CDH13: variants seen among roughly 807,000 people sequenced by gnomAD.
The protein encoded by CDH13 is cadherin 13.
CDH13 carries 24 observed loss-of-function variants against 63.8 expected under a neutral mutation model. The ratio of observed to expected loss-of-function variants is 0.38; its 90% CI spans 0.27 to 0.53. CDH13 has a LOEUF of 0.53. Among genes scored for constraint, CDH13 ranks in the 20% least tolerant of loss-of-function variants. CDH13 has a pLI of 0.85. For synonymous variants in CDH13, 503 were observed against 355.3 expected (o/e 1.42, Z -4.67); for missense variants, 1,049 against 903.1 (o/e 1.16, Z -2.07).
intron 1 of CDH13, among the ~76,000 whole-genome samples, chr16:82,842,671 G>C (rs910859228): frequency 6.6e-6 from 1 of 151,978 alleles, no homozygotes; most frequent in Non-Finnish European, 1.5e-5. Flanking sequence ...AGGATTTGGG[G>C]ATGATTCAAG....
chr16:83,533,903 G>C (rs1246397392), intron 7 of CDH13, among the ~76,000 whole-genome samples: 1 of 152,156 alleles, frequency 6.6e-6, no homozygotes, highest in Non-Finnish European at 1.5e-5. Context: ...TTACAGGCAT[G>C]AGCCACAGTG....
intron 2 of CDH13, among the ~76,000 whole-genome samples, chr16:82,945,792 A>G (rs1416719658): frequency 1.3e-5 from 2 of 152,156 alleles, no homozygotes; most frequent in African/African-American, 2.4e-5. Flanking sequence ...ATCCTAAAAA[A>G]TATTTCCTGT....
chr16:83,028,416 C>T (rs189777753), intron 2 of CDH13, among the ~76,000 whole-genome samples: 5 of 152,266 alleles, frequency 3.3e-5, no homozygotes, highest in Admixed American at 6.5e-5. Flanking sequence ...CACGGAAAGC[C>T]TTAGAACCTT....
At chr16:82,918,392 G>A (rs1274099619) in intron 2 of CDH13, among the ~76,000 whole-genome samples, 2 of 152,128 alleles carry the variant, frequency 1.3e-5, no homozygotes, top group Non-Finnish European at 2.9e-5. Flanking sequence ...GATGAGAGGT[G>A]AGTAGACAGC....
chr16:83,398,841 T>A lies in CDH13; in HGVS notation c.781+53835T>A, dbSNP rs540212908. On this transcript the variant is annotated intron_variant, in intron 6 of 13. Coordinates refer to ENST00000567109, the MANE Select transcript of CDH13 (RefSeq NM_001257.5). ...CATGGGATTGATTTATTGTGCCCAT[T>A]AAGCCAGATGCATAGCTCTTCTACT... is the stretch of plus-strand genomic sequence containing the variant. 7.9e-5 allele frequency among the ~76,000 whole-genome samples: 12 copies of A among 152,374 alleles called. No homozygotes were observed. The South Asian group carries it at 2.3e-3, about 29-fold the overall frequency.
intron 7 of CDH13, among the ~76,000 whole-genome samples, chr16:83,538,032 C>T (rs1191674935): frequency 1.3e-5 from 2 of 152,092 alleles, no homozygotes; most frequent in African/African-American, 2.4e-5. Context: ...CTATAAATTG[C>T]TTTGCTTGTC....
intron 6 of CDH13, among the ~76,000 whole-genome samples, chr16:83,419,073 G>A (rs902365368): frequency 2.0e-5 from 3 of 152,080 alleles, no homozygotes; most frequent in African/African-American, 7.2e-5. Context: ...GAAGTAAGGG[G>A]GAATAGGGGC....
At chr16:83,410,116 A>G (rs1373887754) in intron 6 of CDH13, among the ~76,000 whole-genome samples, 1 of 152,172 alleles carries the variant, frequency 6.6e-6, no homozygotes, top group East Asian at 1.9e-4. Flanking sequence ...ACAGGTAATA[A>G]GATTATGAGC....
At chr16:83,630,935 T>C (rs1288324901) in intron 8 of CDH13, among the ~76,000 whole-genome samples, 1 of 152,174 alleles carries the variant, frequency 6.6e-6, no homozygotes, top group African/African-American at 2.4e-5. Context: ...CAAGATTTAT[T>C]TTCCTTTCAC....
rs78675235 is a variant in CDH13 at position 83,410,787 on chromosome 16, C to T, written c.781+65781C>T. ...TGAGTCGTTGGCAATCAGCTGCCAA[C>T]ATTTTGATTGTTTTCTTGTGGGATT... On this transcript the variant is annotated intron_variant, in intron 6 of 13. Coordinates refer to ENST00000567109, the MANE Select transcript of CDH13 (RefSeq NM_001257.5). Among the ~76,000 whole-genome samples the T allele has an allele frequency of 3.4e-3, 521 of 152,262 alleles. 4 individuals carry two copies. The highest frequency in any genetic ancestry group is 0.012 in the African/African-American group (503 of 41,558).
At chr16:82,960,621 G>T (rs996111737) in intron 2 of CDH13, among the ~76,000 whole-genome samples, 1 of 152,108 alleles carries the variant, frequency 6.6e-6, no homozygotes, top group Non-Finnish European at 1.5e-5. Flanking sequence ...AAACAAAATA[G>T]CACCTTCAGT....
intron 5 of CDH13, among the ~76,000 whole-genome samples, chr16:83,262,852 C>G (rs1299548843): frequency 6.6e-6 from 1 of 152,140 alleles, no homozygotes; most frequent in Non-Finnish European, 1.5e-5. Context: ...TTTATGTTGC[C>G]TATTTGGACC....
chr16:83,065,492 A>G (rs1597258400), intron 3 of CDH13, among the ~76,000 whole-genome samples: 1 of 152,148 alleles, frequency 6.6e-6, no homozygotes, highest in East Asian at 1.9e-4. Flanking sequence ...ATCACTTGAG[A>G]TCAGGAGTTC....
chr16:83,678,548 G>T lies in CDH13; in HGVS notation c.1538+87G>T, dbSNP rs1350790610. 16 of 1,491,962 alleles carry T rather than the reference G, an allele frequency of 1.1e-5. 1 individual carries two copies. Among genetic ancestry groups the T allele is most frequent in the Non-Finnish European group, 1.4e-5 (15 of 1,090,418 alleles). 92.4% of individuals were successfully genotyped at this position (1,491,962 alleles called of 1,614,324 possible). ...TCGCAGAAGCTGGTTGTCAGGAGCA[G>T]ACACCATTAAATTAAACTTGTTAAC... On this transcript the variant is annotated intron_variant, in intron 10 of 13. Transcript: ENST00000567109.
At chr16:82,811,404 G>A (rs1217487482) in intron 1 of CDH13, among the ~76,000 whole-genome samples, 1 of 152,120 alleles carries the variant, frequency 6.6e-6, no homozygotes, top group African/African-American at 2.4e-5. Flanking sequence ...CAATTTTGAA[G>A]TAGTGATGAG....
At chr16:82,833,287 C>T (rs1220406871) in intron 1 of CDH13, among the ~76,000 whole-genome samples, 3 of 152,330 alleles carry the variant, frequency 2.0e-5, no homozygotes, top group Non-Finnish European at 4.4e-5. Context: ...CTTCTTTCAT[C>T]CTTCGAATGA....
chr16:82,784,250 A>G (rs62034548), intron 1 of CDH13, among the ~76,000 whole-genome samples: 43,933 of 152,180 alleles, frequency 0.29, 7,221 homozygotes, highest in South Asian at 0.44. Flanking sequence ...TCTGGTCTTC[A>G]AAGTGACCTT....
At chr16:83,643,531 T>G (rs964136469) in intron 8 of CDH13, among the ~76,000 whole-genome samples, 1 of 152,178 alleles carries the variant, frequency 6.6e-6, no homozygotes, top group Non-Finnish European at 1.5e-5. Flanking sequence ...ATAAAACACA[T>G]GCAGAGAGTT....
chr16:82,783,172 A>C (rs1004247145), intron 1 of CDH13, among the ~76,000 whole-genome samples: 2 of 152,216 alleles, frequency 1.3e-5, no homozygotes, highest in African/African-American at 4.8e-5. Context: ...TTCCAGGAGC[A>C]TGGGCAATCC....
Sources: gnomAD v4.1 joint callset for allele counts (sites outside exome capture counted in the v4.1 genomes callset) on GRCh38, gnomAD v4.1.1 for gene constraint, MANE v1.5 for transcripts, NCBI Gene and HGNC (gene_info 2026-07-23, HGNC 2026-07-21) for gene names.